The following CLNK variants were observed in gnomAD, a reference collection of about 807,000 sequenced individuals.
CLNK encodes cytokine-dependent hematopoietic cell linker.
CLNK carries 74 observed loss-of-function variants against 68.6 expected under a neutral mutation model. The observed-to-expected ratio is 1.08, with a 90% CI of 0.89 to 1.31. The LOEUF (loss-of-function observed/expected upper bound fraction) is 1.31, where lower values mean the gene tolerates loss of function less well. Ranked by LOEUF, CLNK falls within the 50% of genes most tolerant of loss-of-function variation. CLNK has a pLI of 0.00. For missense variants in CLNK, 553 were observed against 515.3 expected (o/e 1.07, Z -0.71); for synonymous variants, 198 against 172.2 (o/e 1.15, Z -1.17).
In CLNK at chr4:10,564,723, G is replaced by C. The variant is rs1720034884; in HGVS notation, c.347C>G (p.Thr116Ser). 7 of 1,613,710 alleles carry C rather than the reference G, an allele frequency of 4.3e-6. No homozygotes were observed. In the Admixed American group the frequency reaches 8.3e-5, roughly 19 times the overall value. The stretch of plus-strand genomic sequence containing the variant: ...GGTCGGCTGTCCAATGGAGATAGAG[G>C]TCCTGGTGTCTAACGGAAGGGGAGT... The part of the protein sequence containing the change: ...MDTPLPLDTR[T>S]SISIGQPTWN... Residue 116 changes from threonine to serine, a missense_variant, in exon 7 of 19, where the codon ACC becomes AGC. Physicochemically the swap from Thr to Ser is moderately conservative, Grantham distance 58 (BLOSUM62 1). Coordinates refer to ENST00000226951, the MANE Select transcript of CLNK (RefSeq NM_052964.4).
intron 2 of CLNK, among the ~76,000 whole-genome samples, chr4:10,655,629 T>G (rs1723945259): frequency 7.1e-6 from 1 of 140,700 alleles, no homozygotes. Flanking sequence ...GGAGGAGGGA[T>G]AGATAGCATT....
intron 7 of CLNK, among the ~76,000 whole-genome samples, chr4:10,561,843 C>T (rs1205558852): frequency 2.6e-5 from 4 of 151,680 alleles, no homozygotes; most frequent in East Asian, 1.9e-4. Context: ...GGGAAAGACT[C>T]GGTCTCTTTC....
At chr4:10,711,805 A>G in the CLNK span, among the ~76,000 whole-genome samples, 1 of 152,234 alleles carries the variant, frequency 6.6e-6, no homozygotes, top group Non-Finnish European at 1.5e-5. Context: ...GTCCAATGCC[A>G]ACATTCTACT....
chr4:10,496,401 A>G (rs1466550726), intron 18 of CLNK, among the ~76,000 whole-genome samples: 1 of 152,178 alleles, frequency 6.6e-6, no homozygotes, highest in African/African-American at 2.4e-5. Flanking sequence ...CCTCAGCAAG[A>G]CAAAAGGCTC....
chr4:10,675,357 T>C (rs1404305364), intron 1 of CLNK, among the ~76,000 whole-genome samples: 1 of 152,194 alleles, frequency 6.6e-6, no homozygotes, highest in Non-Finnish European at 1.5e-5. Flanking sequence ...CAGAGACTTG[T>C]TTTATAAATA....
chr4:10,519,960 T>G (rs1434988966), intron 15 of CLNK, among the ~76,000 whole-genome samples: 5 of 151,880 alleles, frequency 3.3e-5, no homozygotes, highest in African/African-American at 1.2e-4. Context: ...AAGAGAGAGA[T>G]AGAATTAGGA....
intron 8 of CLNK, among the ~76,000 whole-genome samples, chr4:10,548,131 C>T (rs1171225933): frequency 1.3e-5 from 2 of 152,148 alleles, no homozygotes; most frequent in African/African-American, 2.4e-5. Context: ...CGCTTTTCTC[C>T]ATATTCTTGC....
chr4:10,490,314 G>A lies in CLNK; in HGVS notation c.*153C>T, dbSNP rs554904046. 6.1e-5 allele frequency: 37 copies of A among 606,302 alleles called. 1 individual carries two copies. The South Asian group carries it at 6.5e-4, about 11-fold the overall frequency. 37.6% of individuals were successfully genotyped at this position (606,302 alleles called of 1,614,324 possible). A position where few individuals can be genotyped will look rare whatever the true frequency, so the allele number is the denominator to read the frequency against. ...CTCTGTGGTTTGAACTTTCAAAACC[G>A]TGAGTGATTTTCCACTCTCTGTTAT... On this transcript the variant is annotated 3_prime_UTR_variant, in exon 19 of 19. Transcript: ENST00000226951.
intron 2 of CLNK, among the ~76,000 whole-genome samples, chr4:10,616,621 G>T (rs182190449): frequency 3.1e-4 from 47 of 152,076 alleles, no homozygotes; most frequent in Admixed American, 2.4e-3. Flanking sequence ...CTAAAGATAT[G>T]AGAGTTCAGC....
Position 10,584,909 on chromosome 4 carries a change from CAGAG to C in CLNK, c.112+14_112+17del. On this transcript the variant is annotated intron_variant, in intron 4 of 18. Transcript: ENST00000226951. ...GCTGACATTCCCACCACTTAGGTGA[CAGAG>C]AGCCCCGACTCACCTGTGGCACTAT... The C allele has an allele frequency of 6.2e-7, 1 of 1,613,334 alleles. No individual in the cohort carries two copies. The highest frequency in any genetic ancestry group is 8.5e-7 in the Non-Finnish European group (1 of 1,179,480).
intron 18 of CLNK, 45 bp from the exon 19 acceptor site, chr4:10,490,658 G>C: frequency 6.7e-7 from 1 of 1,495,168 alleles, no homozygotes; most frequent in Non-Finnish European, 9.1e-7. Flanking sequence ...AATATCTTTT[G>C]TGTCTGTAGG....
chr4:10,648,790 C>A (rs1723617974), intron 2 of CLNK, among the ~76,000 whole-genome samples: 1 of 152,130 alleles, frequency 6.6e-6, no homozygotes, highest in African/African-American at 2.4e-5. Context: ...AACACAGAAG[C>A]TCAGTACTAA....
chr4:10,625,779 C>T (rs889461989), intron 2 of CLNK, among the ~76,000 whole-genome samples: 7 of 152,058 alleles, frequency 4.6e-5, no homozygotes, highest in Non-Finnish European at 7.4e-5. Flanking sequence ...CAGAGATAGA[C>T]AGGAAGAGAC....
chr4:10,640,672 G>C (rs1414031546), intron 2 of CLNK, among the ~76,000 whole-genome samples: 1 of 152,210 alleles, frequency 6.6e-6, no homozygotes, highest in Non-Finnish European at 1.5e-5. Context: ...CACCAGACTT[G>C]AGATGCAGAC....
At chr4:10,704,583 G>A in the CLNK span, among the ~76,000 whole-genome samples, 1 of 152,048 alleles carries the variant, frequency 6.6e-6, no homozygotes, top group Non-Finnish European at 1.5e-5. Context: ...GCCCCTGTCT[G>A]CTCCTCTAGG....
chr4:10,518,811 A>G (rs1302502552), intron 15 of CLNK, among the ~76,000 whole-genome samples: 1 of 152,232 alleles, frequency 6.6e-6, no homozygotes. Context: ...ACTCTGCTGC[A>G]TGAATGCCCA....
At chr4:10,521,430 T>C (rs1718057597) in intron 14 of CLNK, among the ~76,000 whole-genome samples, 2 of 152,358 alleles carry the variant, frequency 1.3e-5, no homozygotes, top group South Asian at 2.1e-4. Context: ...TACTTAATAC[T>C]TAGCTCTAAT....
At chr4:10,704,935 C>A in the CLNK span, among the ~76,000 whole-genome samples, 2 of 152,110 alleles carry the variant, frequency 1.3e-5, no homozygotes, top group African/African-American at 4.8e-5. Context: ...CTAAATGTGT[C>A]CAGTGGTACC....
the CLNK span, among the ~76,000 whole-genome samples, chr4:10,711,129 G>A: frequency 6.6e-6 from 1 of 152,174 alleles, no homozygotes; most frequent in Admixed American, 6.6e-5. Flanking sequence ...GAACGTGTAA[G>A]CAGCATACTC....
Sources: allele counts gnomAD v4.1 joint callset (sites outside exome capture counted in the v4.1 genomes callset), GRCh38; gene constraint gnomAD v4.1.1; transcripts MANE v1.5; gene names NCBI Gene and HGNC (gene_info 2026-07-23, HGNC 2026-07-21).